CLASP1: variants seen among roughly 807,000 people sequenced by gnomAD.
CLASP1 encodes CLIP-associating protein 1.
In CLASP1, 38 loss-of-function variants were observed where a neutral mutation model predicts 192.3. That is an observed-to-expected ratio of 0.20 (90% CI 0.15 to 0.26). CLASP1 has a LOEUF of 0.26. Among genes scored for constraint, CLASP1 ranks in the 10% least tolerant of loss-of-function variants. The pLI is 1.00. For missense variants in CLASP1, 1,433 were observed against 1,932.5 expected, an observed-to-expected ratio of 0.74 and a Z score of 4.85; for synonymous variants, 691 against 712.8, an observed-to-expected ratio of 0.97 and a Z score of 0.49.
exon 2 of CLASP1, chr2:121,605,957 C>T (rs1016121842): frequency 3.4e-6 from 5 of 1,473,830 alleles, no homozygotes; most frequent in Non-Finnish European, 4.7e-6. Flanking sequence ...TCCCTCCCAG[C>T]AGACGTATCT....
At chr2:121,632,984 G>GT (rs2070032701) in intron 1 of CLASP1, among the ~76,000 whole-genome samples, 1 of 136,714 alleles carries the variant, frequency 7.3e-6, no homozygotes, top group South Asian at 2.5e-4. Flanking sequence ...GTGTGTGTGT[G>GT]TGTATATATA....
intron 24 of CLASP1, among the ~76,000 whole-genome samples, chr2:121,410,464 T>A (rs182309983): frequency 6.6e-5 from 10 of 151,800 alleles, no homozygotes; most frequent in Non-Finnish European, 1.3e-4. Context: ...ATTATTATAA[T>A]AATATGTCTA....
At chr2:121,408,966 G>T in intron 24 of CLASP1, 4 of 1,463,604 alleles carry the variant, frequency 2.7e-6, no homozygotes, top group East Asian at 4.9e-5. Context: ...GCTTCTAAAA[G>T]AAATATACTT....
At position 121,590,307 on chromosome 2, in the gene CLASP1, T is replaced by C. The variant is rs543707837; in HGVS notation, c.195+15394A>G. Among the ~76,000 whole-genome samples, 6 of 152,314 alleles carry C rather than the reference T, an allele frequency of 3.9e-5. No homozygotes were observed. The South Asian group carries it at 1.2e-3, about 32-fold the overall frequency. On this transcript the variant is annotated intron_variant, in intron 2 of 39. Coordinates refer to ENST00000263710, the Ensembl canonical transcript of CLASP1. Reference sequence around the variant, plus strand: ...ACACAAGAGGGCAGAAACACGTATGTACAGGGATGATCAAGTGCAGTGATG... The same window carrying C: ...ACACAAGAGGGCAGAAACACGTATGCACAGGGATGATCAAGTGCAGTGATG...
chr2:121,558,253 G>A (rs932064194), intron 2 of CLASP1, among the ~76,000 whole-genome samples: 1 of 152,078 alleles, frequency 6.6e-6, no homozygotes, highest in Non-Finnish European at 1.5e-5. Context: ...TAGCCCAATG[G>A]ACTGGCCTGT....
At chr2:121,562,354 A>C (rs1227239447) in intron 2 of CLASP1, among the ~76,000 whole-genome samples, 1 of 152,168 alleles carries the variant, frequency 6.6e-6, no homozygotes, top group Admixed American at 6.5e-5. Flanking sequence ...ACTTATAGAA[A>C]ATGCTCAGCA....
At chr2:121,445,271 A>C (rs1208895796) in intron 19 of CLASP1, among the ~76,000 whole-genome samples, 1 of 152,186 alleles carries the variant, frequency 6.6e-6, no homozygotes, top group Non-Finnish European at 1.5e-5. Flanking sequence ...CATCCTCTTA[A>C]GAGTTCCTTT....
At chr2:121,532,519 G>A (rs2094921435) in intron 2 of CLASP1, 1 of 152,144 alleles carries the variant, frequency 6.6e-6, no homozygotes, top group Admixed American at 6.5e-5. Context: ...TCCTTCCCAA[G>A]ACCCTTAAGC....
At chr2:121,540,712 G>A (rs547438014) in intron 2 of CLASP1, among the ~76,000 whole-genome samples, 15 of 151,918 alleles carry the variant, frequency 9.9e-5, no homozygotes, top group Admixed American at 3.9e-4. Context: ...GCTTGAACCC[G>A]GGAGACAGAG....
rs2094130998 is a variant in CLASP1, at chr2:121,511,383, G to A, written c.644+4282C>T. ...GCGGGTGGATCACCTGAGGTCGGGG[G>A]TTCGAGATCAGCCTAACCAACATGG... On this transcript the variant is annotated intron_variant, in intron 7 of 39. Transcript: ENST00000263710. 2.6e-5 allele frequency among the ~76,000 whole-genome samples: 4 copies of A among 152,106 alleles called. No individual in the cohort carries two copies. In the South Asian group the frequency reaches 6.2e-4, roughly 24 times the overall value.
chr2:121,504,232 C>CA lies in CLASP1; in HGVS notation c.645-999dup, dbSNP rs34989531. On this transcript the variant is annotated intron_variant, in intron 7 of 39. Coordinates refer to ENST00000263710, the Ensembl canonical transcript of CLASP1. ...GGGCAACAAGAGCGAAACTCCGTCT[C>CA]AAAAAAAAAAAAAGAAAGAAAAAAG... 3.5e-3 allele frequency among the ~76,000 whole-genome samples: 431 copies of CA among 123,974 alleles called. 1 individual carries two copies. The highest frequency in any genetic ancestry group is 7.5e-3 in the African/African-American group (282 of 37,716). 81.3% of individuals were successfully genotyped at this position (123,974 alleles called of 152,430 possible). A position where few individuals can be genotyped will look rare whatever the true frequency, so the allele number is the denominator to read the frequency against.
rs372040368 is a variant in CLASP1, at chr2:121,430,174, C to T, written c.1916G>A (p.Arg639Gln). 1.7e-5 allele frequency: 27 copies of T among 1,562,266 alleles called. No homozygotes were observed. The South Asian group carries it at 2.1e-4, about 12-fold the overall frequency. ...AGAGCTTTGCCGTCTTGTGCGGATC[C>T]GACCTGGAGGACACAGCAAAAACAG... is the stretch of plus-strand genomic sequence containing the variant. Residue 639 changes from arginine (R) to glutamine (Q), a missense_variant, in exon 20 of 40, where the codon CGG becomes CAG. Physicochemically the swap from Arg to Gln is conservative, Grantham distance 43. This residue lies in a region of CLASP1 where 445 missense variants were observed against 535.5 expected (regional missense o/e 0.83). Coordinates refer to ENST00000263710, the Ensembl canonical transcript of CLASP1.
At chr2:121,469,582 C>T (rs1266345044) in intron 9 of CLASP1, among the ~76,000 whole-genome samples, 1 of 152,166 alleles carries the variant, frequency 6.6e-6, no homozygotes, top group African/African-American at 2.4e-5. Flanking sequence ...GCAGGCTCCA[C>T]CTTACTAGAA....
At chr2:121,401,047 T>C (rs888709178) in intron 28 of CLASP1, among the ~76,000 whole-genome samples, 1 of 152,240 alleles carries the variant, frequency 6.6e-6, no homozygotes, top group African/African-American at 2.4e-5. Flanking sequence ...TCACAACTAC[T>C]GCAAATGTGC....
intron 34 of CLASP1, among the ~76,000 whole-genome samples, chr2:121,372,642 G>A (rs1222014500): frequency 1.3e-5 from 2 of 152,136 alleles, no homozygotes; most frequent in Non-Finnish European, 2.9e-5. Context: ...GAAGACTTCT[G>A]ATTCTTCTGT....
At chr2:121,412,166 T>C (rs987698737) in intron 23 of CLASP1, among the ~76,000 whole-genome samples, 5 of 152,208 alleles carry the variant, frequency 3.3e-5, no homozygotes, top group African/African-American at 1.2e-4. Flanking sequence ...AAAATGTCAA[T>C]TTCAAAACAT....
At chr2:121,353,094 C>T (rs541043335) in intron 37 of CLASP1, among the ~76,000 whole-genome samples, 18 of 152,300 alleles carry the variant, frequency 1.2e-4, no homozygotes, top group African/African-American at 3.9e-4. Context: ...ACTTGGAAGG[C>T]TGTGCTGGGT....
chr2:121,576,251 T>A (rs1196703818), intron 2 of CLASP1, among the ~76,000 whole-genome samples: 1 of 152,112 alleles, frequency 6.6e-6, no homozygotes, highest in African/African-American at 2.4e-5. Flanking sequence ...AATCAAATTA[T>A]CACAACATAA....
In CLASP1 at chr2:121,531,035, A is replaced by G. The variant is rs145912024; in HGVS notation, c.196-710T>C. On this transcript the variant is annotated intron_variant, in intron 2 of 39. Transcript: ENST00000263710. ...GAAAACCTGTTTTCATAGACTTATC[A>G]GTTCAAACAGCAGTAATTCGTAAAT... The G allele has an allele frequency of 3.2e-3, 2,227 of 699,344 alleles. 6 individuals carry two copies. The highest frequency in any genetic ancestry group is 4.8e-3 in the Middle Eastern group (13 of 2,722). The allele number at this position is 699,344 out of a possible 1,614,324, so 43.3% of individuals were successfully genotyped here. A position where few individuals can be genotyped will look rare whatever the true frequency, so the allele number is the denominator to read the frequency against.
Sources: allele counts gnomAD v4.1 joint callset (sites outside exome capture counted in the v4.1 genomes callset), GRCh38; gene constraint gnomAD v4.1.1; regional missense constraint gnomAD v4.1.1; transcripts MANE v1.5; gene names NCBI Gene and HGNC (gene_info 2026-07-23, HGNC 2026-07-21).